Variants in CLVS1 observed in about 807,000 individuals in gnomAD.
CLVS1 encodes clavesin-1.
Under a neutral mutation model 33.1 loss-of-function variants are expected in CLVS1, and 10 were observed. The ratio of observed to expected loss-of-function variants is 0.30; its 90% CI spans 0.19 to 0.51. The LOEUF is 0.51. CLVS1 is among the 20% of genes least tolerant of loss of function. The pLI, the probability that CLVS1 is intolerant of heterozygous loss-of-function variation, is 0.97. For synonymous variants in CLVS1, 163 were observed against 166.1 expected (o/e 0.98, Z 0.14); for missense variants, 343 against 433.4 (o/e 0.79, Z 1.85).
the CLVS1 span, among the ~76,000 whole-genome samples, chr8:61,033,047 A>AGGAAGGAAGGAAGG: frequency 3.2e-4 from 25 of 77,962 alleles, 1 homozygote; most frequent in African/African-American, 5.7e-4. Flanking sequence ...GAAAGAAAGA[A>AGGAAGGAAGGAAGG]AAAGAAAGAA....
At chr8:61,015,179 G>A in the CLVS1 span, among the ~76,000 whole-genome samples, 148,142 of 152,358 alleles carry the variant, frequency 0.97, 72,049 homozygotes, top group East Asian at 1. Context: ...CACTGGCTGC[G>A]CTTCAAGCTT....
chr8:61,198,052 T>G (rs1160846419), intron 2 of CLVS1, among the ~76,000 whole-genome samples: 3 of 152,314 alleles, frequency 2.0e-5, no homozygotes, highest in African/African-American at 7.2e-5. Context: ...GTTCACCTGA[T>G]TTTTGGTTCT....
chr8:61,465,907 C>T (rs1034719936), intron 5 of CLVS1: 2 of 152,238 alleles, frequency 1.3e-5, no homozygotes, highest in African/African-American at 4.8e-5. Context: ...TCATGATCCA[C>T]CTGCCACAGT....
chr8:61,466,886 T>C (rs1408677623), intron 5 of CLVS1, among the ~76,000 whole-genome samples: 4 of 152,142 alleles, frequency 2.6e-5, no homozygotes, highest in African/African-American at 9.7e-5. Context: ...TGATCTCAGG[T>C]GATCCACCTG....
At chr8:61,243,341 T>A (rs573416651) in intron 2 of CLVS1, among the ~76,000 whole-genome samples, 1 of 152,332 alleles carries the variant, frequency 6.6e-6, no homozygotes, top group African/African-American at 2.4e-5. Context: ...ACATGCATGA[T>A]TCAAGGGCCA....
chr8:61,203,116 T>A (rs984985272), intron 2 of CLVS1: 3 of 1,236,246 alleles, frequency 2.4e-6, no homozygotes, highest in African/African-American at 2.9e-5. Flanking sequence ...TAGAAAAAGG[T>A]GGTTCTCTTC....
At chr8:61,070,514 C>A (rs1359338884) in intron 1 of CLVS1, among the ~76,000 whole-genome samples, 1 of 152,254 alleles carries the variant, frequency 6.6e-6, no homozygotes, top group Non-Finnish European at 1.5e-5. Context: ...TCTTCCACCC[C>A]TCTTCTTGCT....
chr8:61,353,437 TA>T (rs1430437758), intron 2 of CLVS1, among the ~76,000 whole-genome samples: 1 of 151,962 alleles, frequency 6.6e-6, no homozygotes, highest in Admixed American at 6.6e-5. Context: ...CATACACTTC[TA>T]AATAATCTAT....
intron 3 of CLVS1, among the ~76,000 whole-genome samples, chr8:61,421,418 G>A (rs1323897443): frequency 6.6e-6 from 1 of 152,236 alleles, no homozygotes; most frequent in African/African-American, 2.4e-5. Context: ...GGTGGTACAT[G>A]TGTGGGGTGT....
At chr8:61,461,372 G>A (rs1817360231) in intron 5 of CLVS1, among the ~76,000 whole-genome samples, 1 of 152,132 alleles carries the variant, frequency 6.6e-6, no homozygotes, top group East Asian at 1.9e-4. Context: ...AATTTTAGCA[G>A]AACTCATGTT....
At chr8:61,185,295 C>T (rs892390375) in intron 2 of CLVS1, among the ~76,000 whole-genome samples, 12 of 146,720 alleles carry the variant, frequency 8.2e-5, no homozygotes, top group African/African-American at 2.5e-4. Context: ...GCACACACCA[C>T]CATGCCCGGC....
At chr8:60,973,375 A>T in the CLVS1 span, among the ~76,000 whole-genome samples, 3 of 152,084 alleles carry the variant, frequency 2.0e-5, no homozygotes, top group Non-Finnish European at 4.4e-5. Context: ...AGTTTCCAAA[A>T]TTTTTTTCTG....
chr8:61,358,378 C>T (rs1408785959), intron 2 of CLVS1, among the ~76,000 whole-genome samples: 1 of 152,182 alleles, frequency 6.6e-6, no homozygotes, highest in Non-Finnish European at 1.5e-5. Flanking sequence ...TCCCATTATG[C>T]ATATTTAGTC....
intron 2 of CLVS1, among the ~76,000 whole-genome samples, chr8:61,247,356 C>A (rs11787385): frequency 0.14 from 21,393 of 151,954 alleles, 3,113 homozygotes; most frequent in African/African-American, 0.38. Context: ...GCTTTTAGCT[C>A]TTTGAGGGCT....
At chr8:61,293,005 G>A (rs1810052915) in intron 1 of CLVS1, among the ~76,000 whole-genome samples, 1 of 152,162 alleles carries the variant, frequency 6.6e-6, no homozygotes, top group African/African-American at 2.4e-5. Flanking sequence ...CTCTGATGGA[G>A]CTCATTCCAA....
intron 2 of CLVS1, among the ~76,000 whole-genome samples, chr8:61,159,014 A>G (rs1183009379): frequency 2.0e-5 from 3 of 152,128 alleles, no homozygotes; most frequent in Admixed American, 6.5e-5. Flanking sequence ...GACTACAGGC[A>G]TGAGCCACCA....
chr8:61,480,271 C>T (rs1373965458), intron 5 of CLVS1, among the ~76,000 whole-genome samples: 1 of 152,244 alleles, frequency 6.6e-6, no homozygotes. Context: ...CCTACTCAAG[C>T]CTTGTTAATG....
intron 3 of CLVS1, among the ~76,000 whole-genome samples, chr8:61,395,636 G>C (rs772786270): frequency 1.4e-4 from 21 of 151,314 alleles, no homozygotes; most frequent in African/African-American, 5.2e-4. Context: ...AAGATTGCTG[G>C]GCCCACACAT....
the CLVS1 span, among the ~76,000 whole-genome samples, chr8:61,006,034 T>G: frequency 6.6e-6 from 1 of 152,184 alleles, no homozygotes; most frequent in African/African-American, 2.4e-5. Context: ...CTTTTCTGTT[T>G]ACTAGTGAAA....
Sources: allele counts gnomAD v4.1 joint callset (sites outside exome capture counted in the v4.1 genomes callset), GRCh38; gene constraint gnomAD v4.1.1; transcripts MANE v1.5; gene names NCBI Gene and HGNC (gene_info 2026-07-23, HGNC 2026-07-21).